PRKCE: variants seen among roughly 807,000 people sequenced by gnomAD.
PRKCE encodes protein kinase C epsilon, also known as protein kinase C epsilon type.
PRKCE carries 16 observed loss-of-function variants against 85.4 expected under a neutral mutation model. The observed-to-expected ratio is 0.19, with a 90% CI of 0.13 to 0.28. The LOEUF is 0.28. Among genes scored for constraint, PRKCE ranks in the 10% least tolerant of loss-of-function variants. The pLI is 1.00. For synonymous variants in PRKCE, 388 were observed against 371.5 expected, an observed-to-expected ratio of 1.04 and a Z score of -0.51; for missense variants, 573 against 975.2, an observed-to-expected ratio of 0.59 and a Z score of 5.49.
At chr2:45,823,626 G>A (rs1689712647) in intron 1 of PRKCE, among the ~76,000 whole-genome samples, 1 of 152,208 alleles carries the variant, frequency 6.6e-6, no homozygotes, top group African/African-American at 2.4e-5. Context: ...GTGGGCCATG[G>A]TGGCAGGCAC....
At chr2:45,756,038 G>C (rs1683973517) in intron 1 of PRKCE, among the ~76,000 whole-genome samples, 1 of 152,208 alleles carries the variant, frequency 6.6e-6, no homozygotes, top group Non-Finnish European at 1.5e-5. Flanking sequence ...GGAACCACTG[G>C]CTTCTGGGCG....
chr2:45,885,788 C>T (rs1258194485), intron 2 of PRKCE, among the ~76,000 whole-genome samples: 4 of 152,238 alleles, frequency 2.6e-5, no homozygotes, highest in African/African-American at 9.6e-5. Context: ...AACAAATCCA[C>T]AAATTTGTGG....
At position 45,652,363 on chromosome 2, in the gene PRKCE, C is replaced by G; in HGVS notation, c.263C>G (p.Pro88Arg). The G allele has an allele frequency of 6.2e-7, 1 of 1,613,628 alleles. No individual in the cohort carries two copies. The highest frequency in any genetic ancestry group is 8.5e-7 in the Non-Finnish European group (1 of 1,180,030). Residue 88 changes from proline (P) to arginine (R), a missense_variant, in exon 1 of 15, where the codon CCC becomes CGC. Physicochemically the swap from Pro to Arg is moderately radical, Grantham distance 103. This residue lies in a region of PRKCE where 100 missense variants were observed against 177.1 expected (regional missense o/e 0.56). Transcript: ENST00000306156. This position sits in a 1 kb window ranked among gnomAD's most constrained non-coding sequence, Gnocchi z 7.7. ...GAGCTGGCTGTCTTTCACGATGCCC[C>G]CATAGGCTACGACGACTTCGTGGCC... ...KIELAVFHDAPIGYDDFVANC... is the reference protein window; with the variant it reads ...KIELAVFHDARIGYDDFVANC...
At chr2:46,175,216 G>A (rs1174764944) in intron 14 of PRKCE, among the ~76,000 whole-genome samples, 1 of 152,184 alleles carries the variant, frequency 6.6e-6, no homozygotes, top group African/African-American at 2.4e-5. Context: ...ATGTTCTTTT[G>A]GGTGGGTCAC....
chr2:45,979,702 CT>C (rs1233553491), intron 4 of PRKCE, among the ~76,000 whole-genome samples: 4 of 152,118 alleles, frequency 2.6e-5, no homozygotes, highest in Non-Finnish European at 5.9e-5. Flanking sequence ...GTTGCTGTTC[CT>C]TGGGGTAACA....
chr2:46,012,290 CTTTCTTTTCT>C (rs1450978328), intron 10 of PRKCE, among the ~76,000 whole-genome samples: 1 of 151,668 alleles, frequency 6.6e-6, no homozygotes. Context: ...CTCTCTTTTC[CTTTCTTTTCT>C]TTTCCTTTTT....
At chr2:45,761,595 A>G (rs1274926610) in intron 1 of PRKCE, among the ~76,000 whole-genome samples, 2 of 152,084 alleles carry the variant, frequency 1.3e-5, no homozygotes, top group African/African-American at 2.4e-5. Flanking sequence ...AATTGGCCTC[A>G]CTTTTGGGTC....
intron 1 of PRKCE, among the ~76,000 whole-genome samples, chr2:45,680,495 T>C (rs953148412): frequency 1.3e-5 from 2 of 152,352 alleles, no homozygotes; most frequent in East Asian, 3.9e-4. Context: ...AGTTTTATGG[T>C]GCCCAGGGTT....
At chr2:46,179,970 A>T (rs1278515136) in intron 14 of PRKCE, among the ~76,000 whole-genome samples, 1 of 152,124 alleles carries the variant, frequency 6.6e-6, no homozygotes, top group African/African-American at 2.4e-5. Context: ...GCATTTATTA[A>T]TTTTTTCTAG....
At chr2:45,947,514 T>C (rs1202302363) in intron 2 of PRKCE, among the ~76,000 whole-genome samples, 3 of 152,226 alleles carry the variant, frequency 2.0e-5, no homozygotes, top group Non-Finnish European at 4.4e-5. Flanking sequence ...AGACAAATTA[T>C]GCAAACTAAA....
In PRKCE at chr2:46,145,298, G is replaced by A. The variant is rs1289352191; in HGVS notation, c.1731+67G>A. On this transcript the variant is annotated intron_variant, in intron 12 of 14. Coordinates refer to ENST00000306156, the MANE Select transcript of PRKCE (RefSeq NM_005400.3). This position sits in a 1 kb window ranked among gnomAD's most constrained non-coding sequence, Gnocchi z 4.6. Reference sequence around the variant, plus strand: ...GACCGAGGCAGGGGTCCAAACCCATGCACTGGGGTCATCTAGTGGTGCTGG... The same window carrying A: ...GACCGAGGCAGGGGTCCAAACCCATACACTGGGGTCATCTAGTGGTGCTGG... The A allele has an allele frequency of 3.8e-6, 6 of 1,568,830 alleles. No individual in the cohort carries two copies. In the African/African-American group the frequency reaches 6.7e-5, roughly 18 times the overall value.
chr2:45,954,497 C>T (rs1364624056), intron 2 of PRKCE, among the ~76,000 whole-genome samples: 2 of 152,180 alleles, frequency 1.3e-5, no homozygotes, highest in Non-Finnish European at 2.9e-5. Context: ...CACTGTTCTG[C>T]AGGATTAAAA....
In PRKCE at chr2:46,004,626, C is replaced by T; in HGVS notation, c.1051C>T (p.Pro351Ser). The change falls in exon 8 of 15, where the codon CCT (proline) becomes TCT (serine). Residue 351 changes from proline (P) to serine (S), a missense_variant. This residue lies in a region of PRKCE where 117 missense variants were observed against 104.8 expected (regional missense o/e 1.12). Coordinates refer to ENST00000306156, the MANE Select transcript of PRKCE (RefSeq NM_005400.3). The surrounding 1 kb of genome is among the most constrained non-coding windows in gnomAD (Gnocchi z 4.1). ...EDRSKSAPTSPCDQEIKELEN... is the reference protein window; with the variant it reads ...EDRSKSAPTSSCDQEIKELEN... Reference sequence around the variant, plus strand: ...TCGATCCAAGTCAGCACCCACCTCCCCTTGTGACCAGGGTGAGACCCTCAG... The same window carrying T: ...TCGATCCAAGTCAGCACCCACCTCCTCTTGTGACCAGGGTGAGACCCTCAG... The T allele has an allele frequency of 6.3e-7, 1 of 1,585,406 alleles. No homozygotes were observed. Among genetic ancestry groups the T allele is most frequent in the Non-Finnish European group, 8.5e-7 (1 of 1,172,776 alleles).
At chr2:45,865,493 T>G (rs1693517804) in intron 2 of PRKCE, among the ~76,000 whole-genome samples, 2 of 152,204 alleles carry the variant, frequency 1.3e-5, no homozygotes, top group Admixed American at 6.5e-5. Flanking sequence ...TAGTCTTGAA[T>G]AGTGCTATGT....
At chr2:46,114,484 G>T (rs1158052343) in intron 11 of PRKCE, among the ~76,000 whole-genome samples, 1 of 118,950 alleles carries the variant, frequency 8.4e-6, no homozygotes, top group African/African-American at 3.3e-5. Context: ...GTGGCACAAT[G>T]TCAGCTCACT....
chr2:45,729,616 G>C (rs537438806), intron 1 of PRKCE, among the ~76,000 whole-genome samples: 2 of 152,342 alleles, frequency 1.3e-5, no homozygotes, highest in Non-Finnish European at 2.9e-5. Flanking sequence ...TTGAAGGGAT[G>C]TGCATACTCA....
intron 12 of PRKCE, 60 bp from the exon 13 acceptor site, chr2:46,150,981 A>G (rs1676567598): frequency 6.0e-6 from 9 of 1,494,532 alleles, no homozygotes; most frequent in Non-Finnish European, 8.1e-6. Flanking sequence ...CGTTCGTAGC[A>G]CGGGTGTCAC....
chr2:46,034,538 C>A (rs974775368), intron 10 of PRKCE, among the ~76,000 whole-genome samples: 1 of 152,206 alleles, frequency 6.6e-6, no homozygotes, highest in African/African-American at 2.4e-5. Context: ...TCAAGCAACA[C>A]CAGAATTGGC....
chr2:46,097,519 C>CAAAAAAAAAAAAAAAAAAAAAAAAAA (rs66634467), intron 11 of PRKCE, among the ~76,000 whole-genome samples: 146 of 94,040 alleles, frequency 1.6e-3, no homozygotes, highest in Middle Eastern at 5.9e-3. Flanking sequence ...GACTCCGTCT[C>CAAAAAAAAAAAAAAAAAAAAAAAAAA]AAAAAAAAAA....
Sources: gnomAD v4.1 joint callset for allele counts (sites outside exome capture counted in the v4.1 genomes callset) on GRCh38, gnomAD v4.1.1 for gene constraint, gnomAD v4.1.1 regional missense constraint, Gnocchi (gnomAD v3.1) non-coding constraint, MANE v1.5 for transcripts, NCBI Gene and HGNC (gene_info 2026-07-23, HGNC 2026-07-21) for gene names.